The following C7orf78 variants were observed in gnomAD, a reference collection of about 807,000 sequenced individuals.
C7orf78 encodes the protein chromosome 7 open reading frame 78, also known as putative uncharacterized protein C7orf78.
the C7orf78 span, among the ~76,000 whole-genome samples, chr7:12,514,986 C>T: frequency 6.6e-6 from 1 of 152,182 alleles, no homozygotes; most frequent in Non-Finnish European, 1.5e-5. Context: ...GAGAAATCTG[C>T]TCTTAGTCTG....
At chr7:12,500,239 C>A in the C7orf78 span, among the ~76,000 whole-genome samples, 2 of 151,888 alleles carry the variant, frequency 1.3e-5, no homozygotes, top group African/African-American at 2.4e-5. Context: ...TCAGGCAGAA[C>A]TGAAGGAAAT....
the C7orf78 span, among the ~76,000 whole-genome samples, chr7:12,487,524 C>A: frequency 6.6e-6 from 1 of 152,008 alleles, no homozygotes. Flanking sequence ...CCATTTATTT[C>A]CTGTGACCAC....
At chr7:12,501,484 G>C in the C7orf78 span, among the ~76,000 whole-genome samples, 1 of 151,854 alleles carries the variant, frequency 6.6e-6, no homozygotes, top group Non-Finnish European at 1.5e-5. Flanking sequence ...ATTCACAATT[G>C]CTTCAAAGAG....
At chr7:12,505,746 T>A in the C7orf78 span, among the ~76,000 whole-genome samples, 3 of 152,184 alleles carry the variant, frequency 2.0e-5, no homozygotes, top group Non-Finnish European at 2.9e-5. Context: ...AATCTTTAGT[T>A]TTTTCCATGT....
At chr7:12,526,293 A>T in the C7orf78 span, among the ~76,000 whole-genome samples, 3 of 152,142 alleles carry the variant, frequency 2.0e-5, no homozygotes, top group Non-Finnish European at 4.4e-5. Context: ...TCATAGAATT[A>T]CTGTGAGCAT....
the C7orf78 span, among the ~76,000 whole-genome samples, chr7:12,519,286 G>T: frequency 2.0e-5 from 3 of 152,112 alleles, no homozygotes; most frequent in South Asian, 6.2e-4. Flanking sequence ...ACTGCTAATG[G>T]GGACATGGTT....
At chr7:12,504,723 A>G in the C7orf78 span, among the ~76,000 whole-genome samples, 1 of 152,258 alleles carries the variant, frequency 6.6e-6, no homozygotes, top group South Asian at 2.1e-4. Flanking sequence ...TAATAAATAA[A>G]TAAGAAATTA....
chr7:12,519,465 C>T, the C7orf78 span, among the ~76,000 whole-genome samples: 1 of 152,160 alleles, frequency 6.6e-6, no homozygotes. Context: ...TCACTCCTTC[C>T]AGCTCCAGTC....
chr7:12,498,394 C>T, the C7orf78 span, among the ~76,000 whole-genome samples: 2 of 150,658 alleles, frequency 1.3e-5, no homozygotes, highest in Admixed American at 1.3e-4. Flanking sequence ...CTTAAAGGAG[C>T]TGATGGAGCT....
At chr7:12,487,976 T>A in the C7orf78 span, among the ~76,000 whole-genome samples, 6 of 152,028 alleles carry the variant, frequency 3.9e-5, no homozygotes, top group African/African-American at 1.4e-4. Context: ...CATTATCCCA[T>A]CGTCTTAGAA....
chr7:12,533,789 T>G, the C7orf78 span, among the ~76,000 whole-genome samples: 2 of 152,292 alleles, frequency 1.3e-5, no homozygotes, highest in East Asian at 3.9e-4. Context: ...GTGCTAGGAT[T>G]ACAGGCGTGA....
the C7orf78 span, among the ~76,000 whole-genome samples, chr7:12,495,234 G>A: frequency 1.3e-5 from 2 of 152,150 alleles, no homozygotes; most frequent in African/African-American, 2.4e-5. Flanking sequence ...TGTTACTCAT[G>A]AAAGTCTATT....
At chr7:12,491,191 T>C in the C7orf78 span, 1 of 152,234 alleles carries the variant, frequency 6.6e-6, no homozygotes, top group African/African-American at 2.4e-5. Context: ...CATTGTTAAC[T>C]GTAATGAATT....
the C7orf78 span, among the ~76,000 whole-genome samples, chr7:12,526,699 G>A: frequency 6.6e-6 from 1 of 152,008 alleles, no homozygotes; most frequent in Non-Finnish European, 1.5e-5. Context: ...AATGGAACAT[G>A]TCAACTTTCC....
chr7:12,488,423 T>G, the C7orf78 span, among the ~76,000 whole-genome samples: 3 of 152,018 alleles, frequency 2.0e-5, no homozygotes, highest in African/African-American at 7.2e-5. Flanking sequence ...CAAATGCAAA[T>G]ACAAACTAAC....
the C7orf78 span, among the ~76,000 whole-genome samples, chr7:12,498,216 G>C: frequency 6.6e-6 from 1 of 151,992 alleles, no homozygotes; most frequent in South Asian, 2.1e-4. Context: ...CACCAGCAAC[G>C]GAACAAAGCT....
At chr7:12,503,682 A>G in the C7orf78 span, among the ~76,000 whole-genome samples, 1 of 152,170 alleles carries the variant, frequency 6.6e-6, no homozygotes, top group Admixed American at 6.5e-5. Flanking sequence ...ACATGTATAC[A>G]TGTGCCATGT....
At chr7:12,527,827 A>G in the C7orf78 span, among the ~76,000 whole-genome samples, 130 of 136,652 alleles carry the variant, frequency 9.5e-4, no homozygotes, top group Middle Eastern at 9.3e-3. Flanking sequence ...AGTATATGCT[A>G]TGTGTCACTC....
the C7orf78 span, chr7:12,529,109 A>C: frequency 2.5e-6 from 1 of 397,962 alleles, no homozygotes; most frequent in South Asian, 1.3e-4. Flanking sequence ...CAATTGCTTT[A>C]GTGCAGGAGT....
Sources: gnomAD v4.1 joint callset for allele counts (sites outside exome capture counted in the v4.1 genomes callset) on GRCh38, gnomAD v4.1.1 for gene constraint, MANE v1.5 for transcripts, NCBI Gene and HGNC (gene_info 2026-07-23, HGNC 2026-07-21) for gene names.